RAPGEF6: variants seen among roughly 807,000 people sequenced by gnomAD.
RAPGEF6 encodes PDZ domain containing guanine nucleotide exchange factor (GEF) 2.
A neutral mutation model predicts 171.4 loss-of-function variants in RAPGEF6; 56 were observed. The ratio of observed to expected loss-of-function variants is 0.33; its 90% CI spans 0.26 to 0.41. The LOEUF (loss-of-function observed/expected upper bound fraction) is 0.41. RAPGEF6 is among the 10% of genes least tolerant of loss of function. RAPGEF6 has a pLI of 1.00. For missense variants in RAPGEF6, 1,674 were observed against 1,921.4 expected (o/e 0.87, Z 2.41); for synonymous variants, 692 against 650.1 (o/e 1.06, Z -0.98).
chr5:131,462,933 T>G (rs990817966), intron 18 of RAPGEF6, among the ~76,000 whole-genome samples: 1 of 152,220 alleles, frequency 6.6e-6, no homozygotes, highest in Admixed American at 6.5e-5. Flanking sequence ...ATAATAGTGC[T>G]GAAACTCATT....
intron 6 of RAPGEF6, among the ~76,000 whole-genome samples, chr5:131,535,985 G>T (rs1287153164): frequency 6.6e-6 from 1 of 151,918 alleles, no homozygotes; most frequent in Non-Finnish European, 1.5e-5. Flanking sequence ...TACTAACCCA[G>T]GCATTTTATT....
Position 131,424,840 on chromosome 5 carries a change from T to C in RAPGEF6, c.*2426A>G, listed in dbSNP as rs1432732125. On this transcript the variant is annotated 3_prime_UTR_variant, in exon 28 of 28. Transcript: ENST00000509018. Reference sequence around the variant, plus strand: ...TAACTGCTTCAACAGTCTTGGCAGATTGAGAGTTGTGGCAGGAAGAGAGGG... The same window carrying C: ...TAACTGCTTCAACAGTCTTGGCAGACTGAGAGTTGTGGCAGGAAGAGAGGG... 1 of 152,306 alleles carries C rather than the reference T, an allele frequency of 6.6e-6. No individual in the cohort carries two copies. Among genetic ancestry groups the C allele is most frequent in the Admixed American group, 6.5e-5 (1 of 15,272 alleles). The allele number at this position is 152,306 out of a possible 1,614,324, so 9.4% of individuals were successfully genotyped here. A position where few individuals can be genotyped will look rare whatever the true frequency, so the allele number is the denominator to read the frequency against.
At chr5:131,457,267 C>G (rs1465384289) in intron 19 of RAPGEF6, among the ~76,000 whole-genome samples, 2 of 152,156 alleles carry the variant, frequency 1.3e-5, no homozygotes, top group Admixed American at 1.3e-4. Context: ...GACAGGGTTT[C>G]ACCATGTTGG....
At chr5:131,461,567 C>A in intron 19 of RAPGEF6, 138 bp downstream of exon 19, 1 of 828,996 alleles carries the variant, frequency 1.2e-6, no homozygotes, top group African/African-American at 1.8e-5. Flanking sequence ...ATGGAAAATA[C>A]ATTAAATCTA....
chr5:131,557,798 A>G (rs754235553), intron 5 of RAPGEF6, among the ~76,000 whole-genome samples: 20 of 152,180 alleles, frequency 1.3e-4, no homozygotes, highest in Non-Finnish European at 2.8e-4. Flanking sequence ...AATTATATCA[A>G]TGTAGTGAAT....
At chr5:131,430,778 A>G (rs2149804874) in intron 26 of RAPGEF6, 81 bp downstream of exon 26, 1 of 1,562,944 alleles carries the variant, frequency 6.4e-7, no homozygotes. Flanking sequence ...TGCGACGATA[A>G]AATCCAGGGC....
At chr5:131,557,021 C>A (rs1433879138) in intron 5 of RAPGEF6, among the ~76,000 whole-genome samples, 4 of 152,000 alleles carry the variant, frequency 2.6e-5, no homozygotes, top group African/African-American at 9.7e-5. Context: ...AGTGGCTATT[C>A]ACAGACAGGA....
chr5:131,469,513 C>G (rs908944998), intron 17 of RAPGEF6, among the ~76,000 whole-genome samples: 2 of 152,072 alleles, frequency 1.3e-5, no homozygotes, highest in African/African-American at 4.8e-5. Context: ...CTTAGCCACA[C>G]TCCTAATTTT....
At position 131,431,342 on chromosome 5, in the gene RAPGEF6, G is replaced by A; in HGVS notation, c.3982C>T (p.Leu1328Phe). The change falls in exon 26 of 28, where the codon CTC (leucine) becomes TTC (phenylalanine). Residue 1328 changes from leucine (L) to phenylalanine (F), a missense_variant. Physicochemically the swap from Leu to Phe is conservative, Grantham distance 22. This residue lies in a region of RAPGEF6 where 552 missense variants were observed against 574.2 expected (regional missense o/e 0.96). Coordinates refer to ENST00000509018, the MANE Select transcript of RAPGEF6 (RefSeq NM_016340.6). ...CACTTGATTAGAGATGGCTTCAAGAGTGTCCACCTAAAATTGGAGATAACG... is the reference window on the plus strand; with the variant it reads ...CACTTGATTAGAGATGGCTTCAAGAATGTCCACCTAAAATTGGAGATAACG... ...DHSQHGPGWT[L>F]LKPSLIKCLA... is the part of the protein sequence containing the mutation. 6.3e-7 allele frequency: 1 copy of A among 1,589,286 alleles called. No individual in the cohort carries two copies.
At position 131,429,185 on chromosome 5, in the gene RAPGEF6, A is replaced by G; in HGVS notation, c.4497T>C (p.Asp1499=). ...VYCVTSPKKD[D]RYREPPPTPP... ...GAGTGGGAGGTGGCTCCCTATACCT[A>G]TCGTCCTTCTTGGGTGAGGTGACAC... The change falls in exon 27 of 28, where the codon GAT becomes GAC. Residue 1499 remains aspartate (D), a synonymous_variant. Coordinates refer to ENST00000509018, the MANE Select transcript of RAPGEF6 (RefSeq NM_016340.6). The G allele has an allele frequency of 6.2e-7, 1 of 1,612,588 alleles. No homozygotes were observed. Among genetic ancestry groups the G allele is most frequent in the South Asian group, 1.1e-5 (1 of 91,040 alleles).
At chr5:131,505,846 A>G (rs372055505) in intron 9 of RAPGEF6, among the ~76,000 whole-genome samples, 4 of 152,216 alleles carry the variant, frequency 2.6e-5, no homozygotes, top group African/African-American at 9.7e-5. Flanking sequence ...GACTTTGGGT[A>G]AATTATTTAA....
chr5:131,495,391 TG>T (rs1371405227), intron 13 of RAPGEF6, among the ~76,000 whole-genome samples, 161 bp downstream of exon 13: 5 of 151,932 alleles, frequency 3.3e-5, no homozygotes, highest in Non-Finnish European at 7.4e-5. Flanking sequence ...TTAATTGAGG[TG>T]GCAGAGAATA....
chr5:131,594,245 G>A (rs190674010), intron 3 of RAPGEF6, among the ~76,000 whole-genome samples: 107 of 152,358 alleles, frequency 7.0e-4, no homozygotes, highest in Middle Eastern at 3.4e-3. Context: ...AGATTTGCTA[G>A]TTTAAAACTG....
rs1203100184 is a variant in RAPGEF6 at position 131,528,330 on chromosome 5, TATATATATACACAC to T, written c.496-6823_496-6810del. ...TATTTATATTATATATATATATATA[TATATATATACACAC>T]ACACACACATATATATATATGGCAG... On this transcript the variant is annotated intron_variant, in intron 6 of 27. Transcript: ENST00000509018. Among the ~76,000 whole-genome samples, 4 of 106,174 alleles carry T rather than the reference TATATATATACACAC, an allele frequency of 3.8e-5. 1 individual carries two copies. The highest frequency in any genetic ancestry group is 1.9e-4 in the African/African-American group (4 of 21,070). 69.7% of individuals were successfully genotyped at this position (106,174 alleles called of 152,430 possible).
intron 21 of RAPGEF6, among the ~76,000 whole-genome samples, chr5:131,448,481 A>G (rs1752861297): frequency 6.6e-6 from 1 of 152,178 alleles, no homozygotes; most frequent in South Asian, 2.1e-4. Flanking sequence ...AAATAACAAT[A>G]TGTCCAACAA....
intron 6 of RAPGEF6, among the ~76,000 whole-genome samples, chr5:131,523,885 A>G (rs1312007128): frequency 6.6e-6 from 1 of 152,080 alleles, no homozygotes; most frequent in Non-Finnish European, 1.5e-5. Context: ...GGTGAGGTGG[A>G]GTATCAAGAG....
chr5:131,491,619 G>A (rs987778882), intron 14 of RAPGEF6, among the ~76,000 whole-genome samples: 7 of 152,206 alleles, frequency 4.6e-5, no homozygotes, highest in South Asian at 2.1e-4. Context: ...GAGCATTACC[G>A]CCTGACCTCC....
chr5:131,427,439 T>C (rs1580808696), intron 27 of RAPGEF6, 148 bp from the exon 28 acceptor site: 3 of 655,382 alleles, frequency 4.6e-6, no homozygotes, highest in Non-Finnish European at 7.7e-6. Flanking sequence ...ATAATACCTA[T>C]GATTTCTGAT....
intron 18 of RAPGEF6, among the ~76,000 whole-genome samples, chr5:131,463,462 C>T (rs1294722722): frequency 6.6e-6 from 1 of 151,716 alleles, no homozygotes; most frequent in Non-Finnish European, 1.5e-5. Flanking sequence ...GCCTGTAGTC[C>T]CAGCTACTCA....
Sources: allele counts gnomAD v4.1 joint callset (sites outside exome capture counted in the v4.1 genomes callset), GRCh38; gene constraint gnomAD v4.1.1; regional missense constraint gnomAD v4.1.1; transcripts MANE v1.5; gene names NCBI Gene and HGNC (gene_info 2026-07-23, HGNC 2026-07-21).